The following ESRRG variants were observed in gnomAD, a reference collection of about 807,000 sequenced individuals.
ESRRG encodes estrogen related receptor gamma, also known as estrogen-related receptor gamma.
Under a neutral mutation model 44.0 loss-of-function variants are expected in ESRRG, and 13 were observed. The observed-to-expected ratio is 0.30, with a 90% CI of 0.19 to 0.47. The LOEUF is 0.47. Among genes scored for constraint, ESRRG ranks in the 20% least tolerant of loss-of-function variants. The pLI is 1.00. For missense variants in ESRRG, 395 were observed against 580.6 expected, an observed-to-expected ratio of 0.68 and a Z score of 3.29; for synonymous variants, 215 against 214.6, an observed-to-expected ratio of 1.00 and a Z score of -0.02.
intron 2 of ESRRG, among the ~76,000 whole-genome samples, chr1:216,898,290 T>C (rs1225657371): frequency 6.6e-6 from 1 of 152,186 alleles, no homozygotes; most frequent in Non-Finnish European, 1.5e-5. Context: ...ACTCATTTCA[T>C]ATACCATTAC....
At chr1:216,691,134 A>G (rs902182889) in intron 1 of ESRRG, among the ~76,000 whole-genome samples, 3 of 152,114 alleles carry the variant, frequency 2.0e-5, no homozygotes, top group African/African-American at 4.8e-5. Context: ...AGGCTTAAAC[A>G]TTTTCTTGGT....
intron 3 of ESRRG, among the ~76,000 whole-genome samples, chr1:216,605,699 T>A (rs989833800): frequency 2.6e-5 from 4 of 152,212 alleles, no homozygotes; most frequent in South Asian, 4.1e-4. Flanking sequence ...TATGTATAGA[T>A]CTGCCATCTA....
intron 2 of ESRRG, among the ~76,000 whole-genome samples, chr1:216,829,806 G>A (rs545693808): frequency 7.9e-5 from 12 of 152,028 alleles, no homozygotes; most frequent in Non-Finnish European, 1.5e-4. Context: ...CACCCTCCTC[G>A]GCCTCCCAAA....
At chr1:216,811,457 C>G (rs2094966299) in intron 2 of ESRRG, among the ~76,000 whole-genome samples, 1 of 152,122 alleles carries the variant, frequency 6.6e-6, no homozygotes, top group African/African-American at 2.4e-5. Context: ...TAACTCTAAC[C>G]TCTCCTATTG....
At chr1:216,649,125 T>C (rs895403614) in intron 3 of ESRRG, among the ~76,000 whole-genome samples, 1 of 152,150 alleles carries the variant, frequency 6.6e-6, no homozygotes, top group Non-Finnish European at 1.5e-5. Flanking sequence ...GTCTTAATTA[T>C]ATGTTTTCCT....
At chr1:216,514,831 G>T (rs2043725648) in intron 6 of ESRRG, among the ~76,000 whole-genome samples, 1 of 152,020 alleles carries the variant, frequency 6.6e-6, no homozygotes, top group Non-Finnish European at 1.5e-5. Context: ...CTTAAAAAAG[G>T]AAATGTCTAC....
At chr1:216,561,585 A>C (rs902088033) in intron 5 of ESRRG, among the ~76,000 whole-genome samples, 1 of 152,084 alleles carries the variant, frequency 6.6e-6, no homozygotes, top group African/African-American at 2.4e-5. Flanking sequence ...CTCAGTCCAT[A>C]TAGCTGTAGT....
rs562834340 is a variant in ESRRG, at chr1:216,556,239, T to C, written c.862+7980A>G. On this transcript the variant is annotated intron_variant, in intron 5 of 6. Coordinates refer to ENST00000408911, the MANE Select transcript of ESRRG (RefSeq NM_001438.4). The stretch of plus-strand genomic sequence containing the variant: ...AGAAGAGTGCCAGAAAAAAAAAATA[T>C]ATGACCTGGGCCAGGTCTATAGGAT... Among the ~76,000 whole-genome samples, 8 of 152,030 alleles carry C rather than the reference T, an allele frequency of 5.3e-5. No individual in the cohort carries two copies. The East Asian group carries it at 1.6e-3, about 29-fold the overall frequency.
intron 2 of ESRRG, among the ~76,000 whole-genome samples, chr1:216,912,194 AGGAGAGGAGAGGAGAGGAGAGGAGAGG>A (rs1316522805): frequency 0.026 from 268 of 10,474 alleles, 30 homozygotes; most frequent in East Asian, 0.13. Flanking sequence ...AGGAGAGGAG[AGGAGAGGAGAGGAGAGGAGAGGAGAGG>A]AGAGGAGAGG....
intron 2 of ESRRG, among the ~76,000 whole-genome samples, chr1:216,732,944 T>G (rs189478484): frequency 1.3e-5 from 2 of 151,966 alleles, no homozygotes; most frequent in Non-Finnish European, 2.9e-5. Flanking sequence ...TTGACTGCTT[T>G]CTCTTTCCCA....
chr1:216,562,942 C>T (rs1478149247), intron 5 of ESRRG, among the ~76,000 whole-genome samples: 1 of 152,060 alleles, frequency 6.6e-6, no homozygotes. Context: ...TGCAGTAAAT[C>T]CTTTCTTTTT....
intron 2 of ESRRG, among the ~76,000 whole-genome samples, chr1:216,849,734 C>T (rs2095812746): frequency 6.6e-6 from 1 of 152,062 alleles, no homozygotes; most frequent in African/African-American, 2.4e-5. Flanking sequence ...TGAAAAATGT[C>T]AACTACTTTA....
chr1:216,846,828 T>A (rs1283738145), intron 2 of ESRRG, among the ~76,000 whole-genome samples: 1 of 152,056 alleles, frequency 6.6e-6, no homozygotes, highest in African/African-American at 2.4e-5. Flanking sequence ...AACCTGAATC[T>A]TCGGTTTTAT....
intron 1 of ESRRG, among the ~76,000 whole-genome samples, chr1:216,706,691 T>C (rs997311001): frequency 4.6e-5 from 7 of 152,212 alleles, no homozygotes; most frequent in Admixed American, 4.6e-4. Flanking sequence ...CTCGAGATAT[T>C]TCTGGCATAT....
At chr1:216,981,566 A>G (rs2073975648) in intron 1 of ESRRG, among the ~76,000 whole-genome samples, 1 of 152,192 alleles carries the variant, frequency 6.6e-6, no homozygotes, top group South Asian at 2.1e-4. Flanking sequence ...TATATTTAAT[A>G]CTGCTCATCT....
At chr1:216,918,997 C>T (rs2061511391) in intron 2 of ESRRG, among the ~76,000 whole-genome samples, 1 of 151,818 alleles carries the variant, frequency 6.6e-6, no homozygotes, top group Non-Finnish European at 1.5e-5. Context: ...CTTTTATAAA[C>T]TACAAAAAAT....
At chr1:216,988,141 T>G (rs2075155275) in intron 1 of ESRRG, among the ~76,000 whole-genome samples, 1 of 152,160 alleles carries the variant, frequency 6.6e-6, no homozygotes, top group Non-Finnish European at 1.5e-5. Flanking sequence ...ATTGAAGCCT[T>G]ATTAGAGAAA....
chr1:216,653,719 C>G (rs2151094126), intron 2 of ESRRG, among the ~76,000 whole-genome samples: 2 of 152,288 alleles, frequency 1.3e-5, no homozygotes, highest in African/African-American at 4.8e-5. Flanking sequence ...CAGGTACTCT[C>G]ATCATATCCA....
At chr1:217,011,943 C>G (rs1254810933) in intron 1 of ESRRG, among the ~76,000 whole-genome samples, 3 of 152,144 alleles carry the variant, frequency 2.0e-5, no homozygotes, top group Admixed American at 2.0e-4. Context: ...GCTTGTACCC[C>G]CTCTGCAGGA....
Sources: gnomAD v4.1 joint callset for allele counts (sites outside exome capture counted in the v4.1 genomes callset) on GRCh38, gnomAD v4.1.1 for gene constraint, MANE v1.5 for transcripts, NCBI Gene and HGNC (gene_info 2026-07-23, HGNC 2026-07-21) for gene names.